ERG: variants seen among roughly 807,000 people sequenced by gnomAD.
ERG encodes transcriptional regulator ERG.
A neutral mutation model predicts 55.3 loss-of-function variants in ERG; 9 were observed. That is an observed-to-expected ratio of 0.16 (90% CI 0.10 to 0.28). ERG has a LOEUF of 0.28. ERG is among the 10% of genes least tolerant of loss of function. The pLI, the probability that ERG is intolerant of heterozygous loss-of-function variation, is 1.00. For synonymous variants in ERG, 223 were observed against 237.3 expected, an observed-to-expected ratio of 0.94 and a Z score of 0.55; for missense variants, 434 against 631.6, an observed-to-expected ratio of 0.69 and a Z score of 3.35.
intron 1 of ERG, among the ~76,000 whole-genome samples, chr21:38,641,379 A>C (rs921229339): frequency 7.2e-5 from 11 of 152,206 alleles, no homozygotes; most frequent in African/African-American, 2.7e-4. Context: ...CAGTGCCTTG[A>C]CATTGAACTT....
intron 1 of ERG, among the ~76,000 whole-genome samples, chr21:38,600,163 C>T (rs566982769): frequency 1.3e-5 from 2 of 152,300 alleles, no homozygotes; most frequent in South Asian, 4.2e-4. Flanking sequence ...GAGATCCAAA[C>T]CTACCCGCAA....
At chr21:38,491,208 A>T (rs936269493) in intron 1 of ERG, among the ~76,000 whole-genome samples, 8 of 54,106 alleles carry the variant, frequency 1.5e-4, no homozygotes, top group Middle Eastern at 0.02. Flanking sequence ...GTCAAAATTA[A>T]AAAAAAAAAA....
intron 1 of ERG, among the ~76,000 whole-genome samples, chr21:38,645,013 G>A (rs2060447496): frequency 6.6e-6 from 1 of 152,100 alleles, no homozygotes; most frequent in Non-Finnish European, 1.5e-5. Flanking sequence ...TTAAAACTTA[G>A]CCGGGCATGG....
intron 2 of ERG, among the ~76,000 whole-genome samples, chr21:38,571,524 A>AT (rs1568921546): frequency 6.6e-6 from 1 of 151,796 alleles, no homozygotes; most frequent in African/African-American, 2.4e-5. Context: ...AAAAATAAAT[A>AT]AAAATAAATA....
intron 2 of ERG, among the ~76,000 whole-genome samples, chr21:38,537,693 A>G (rs1430330373): frequency 6.6e-6 from 1 of 152,200 alleles, no homozygotes; most frequent in African/African-American, 2.4e-5. Context: ...GGAGATATGG[A>G]AAAGTTGCAA....
intron 3 of ERG, among the ~76,000 whole-genome samples, chr21:38,419,928 A>G (rs1259409407): frequency 6.6e-6 from 1 of 152,108 alleles, no homozygotes; most frequent in African/African-American, 2.4e-5. Context: ...GTCTCCGTAC[A>G]GTACAAATTT....
At chr21:38,551,641 C>T (rs931991534) in intron 2 of ERG, among the ~76,000 whole-genome samples, 1 of 152,136 alleles carries the variant, frequency 6.6e-6, no homozygotes, top group Non-Finnish European at 1.5e-5. Context: ...GTTCAATTTC[C>T]ATGATTTTGA....
At chr21:38,410,558 G>A (rs1988998048) in intron 3 of ERG, among the ~76,000 whole-genome samples, 1 of 152,204 alleles carries the variant, frequency 6.6e-6, no homozygotes, top group South Asian at 2.1e-4. Context: ...CTCTGTATGT[G>A]GAGTGGGAGT....
intron 6 of ERG, 66 bp downstream of exon 6, chr21:38,400,508 C>T: frequency 1.6e-6 from 2 of 1,261,974 alleles, no homozygotes; most frequent in Non-Finnish European, 2.3e-6. Context: ...TGACTTAGGG[C>T]ACGGATCTCA....
At chr21:38,634,736 C>A (rs2060378007) in intron 1 of ERG, among the ~76,000 whole-genome samples, 1 of 152,196 alleles carries the variant, frequency 6.6e-6, no homozygotes, top group Non-Finnish European at 1.5e-5. Context: ...ATAGTCAGCT[C>A]CCTTTGCATG....
intron 1 of ERG, among the ~76,000 whole-genome samples, chr21:38,476,867 C>T (rs1010022199): frequency 2.6e-5 from 4 of 151,966 alleles, no homozygotes; most frequent in Admixed American, 6.6e-5. Context: ...AGGTTATTAG[C>T]GTAAAAATTA....
intron 3 of ERG, among the ~76,000 whole-genome samples, chr21:38,420,488 G>A (rs1030488536): frequency 5.3e-5 from 8 of 152,288 alleles, no homozygotes; most frequent in Middle Eastern, 6.8e-3. Context: ...GAAGAGAAGA[G>A]TACTTTGCTC....
rs142057227 is a variant in ERG, at chr21:38,498,456, G to A, written c.-76C>T. The A allele has an allele frequency of 1.4e-3, 2,261 of 1,583,082 alleles. 30 individuals carry two copies. In the African/African-American group the frequency reaches 0.02, roughly 14 times the overall value. ...TTCTCTCTGACCAGAAAGTAGTTTT[G>A]ATGAGGTTGTTTAGAGCGGATGAGA... is the stretch of plus-strand genomic sequence containing the variant. On this transcript the variant is annotated 5_prime_UTR_variant, in exon 1 of 10. Transcript: ENST00000288319. This position sits in a 1 kb window ranked among gnomAD's most constrained non-coding sequence, Gnocchi z 4.6.
intron 3 of ERG, among the ~76,000 whole-genome samples, chr21:38,417,553 C>T (rs1158966375): frequency 6.6e-6 from 1 of 152,122 alleles, no homozygotes; most frequent in Non-Finnish European, 1.5e-5. Flanking sequence ...CTTTGGGTGA[C>T]CGAGGTGGGT....
At chr21:38,450,251 G>A (rs376615018) in intron 1 of ERG, among the ~76,000 whole-genome samples, 32 of 151,802 alleles carry the variant, frequency 2.1e-4, no homozygotes, top group African/African-American at 6.0e-4. Flanking sequence ...GATGGTGGGC[G>A]CCTGTAGTCC....
intron 1 of ERG, among the ~76,000 whole-genome samples, chr21:38,617,352 T>C (rs1018071377): frequency 6.6e-6 from 1 of 152,206 alleles, no homozygotes; most frequent in African/African-American, 2.4e-5. Flanking sequence ...AAAATGGACT[T>C]CCAGGAGGAT....
chr21:38,568,146 C>T (rs2059934556), intron 2 of ERG, among the ~76,000 whole-genome samples: 1 of 152,048 alleles, frequency 6.6e-6, no homozygotes, highest in South Asian at 2.1e-4. Context: ...GTAACAGTAT[C>T]TCCCCTTCCA....
At chr21:38,492,563 G>C (rs2059345668) in intron 1 of ERG, among the ~76,000 whole-genome samples, 1 of 152,144 alleles carries the variant, frequency 6.6e-6, no homozygotes, top group African/African-American at 2.4e-5. Flanking sequence ...GCCAGTCACT[G>C]TTGAGGACAC....
intron 1 of ERG, among the ~76,000 whole-genome samples, chr21:38,623,654 C>T (rs1208859388): frequency 1.3e-5 from 2 of 152,144 alleles, no homozygotes; most frequent in Non-Finnish European, 2.9e-5. Context: ...GCGTGAGGTC[C>T]TAGACTCAGA....
Sources: allele counts gnomAD v4.1 joint callset (sites outside exome capture counted in the v4.1 genomes callset), GRCh38; gene constraint gnomAD v4.1.1; non-coding constraint Gnocchi (gnomAD v3.1); transcripts MANE v1.5; gene names NCBI Gene and HGNC (gene_info 2026-07-23, HGNC 2026-07-21).